PTPRD: variants seen among roughly 807,000 people sequenced by gnomAD.
PTPRD encodes receptor-type tyrosine-protein phosphatase delta.
PTPRD carries 34 observed loss-of-function variants against 214.5 expected under a neutral mutation model. The observed-to-expected ratio is 0.16, with a 90% CI of 0.12 to 0.21. The LOEUF (loss-of-function observed/expected upper bound fraction) is 0.21, where lower values mean the gene tolerates loss of function less well. PTPRD is among the 10% of genes least tolerant of loss of function. The pLI, the probability that PTPRD is intolerant of heterozygous loss-of-function variation, is 1.00. For synonymous variants in PTPRD, 1,128 were observed against 845.7 expected, an observed-to-expected ratio of 1.33 and a Z score of -5.79; for missense variants, 2,545 against 2,398.7, an observed-to-expected ratio of 1.06 and a Z score of -1.27.
intron 3 of PTPRD, among the ~76,000 whole-genome samples, chr9:10,060,352 C>G (rs897352846): frequency 6.6e-6 from 1 of 152,006 alleles, no homozygotes; most frequent in Non-Finnish European, 1.5e-5. Context: ...CACTCAGATA[C>G]ATTGTCCCAT....
At chr9:9,635,020 T>A (rs150358829) in intron 7 of PTPRD, among the ~76,000 whole-genome samples, 49 of 152,260 alleles carry the variant, frequency 3.2e-4, no homozygotes, top group African/African-American at 9.6e-4. Flanking sequence ...TGTTCAACAA[T>A]ATATTGAGTG....
intron 12 of PTPRD, among the ~76,000 whole-genome samples, chr9:8,704,571 T>G (rs910681025): frequency 6.6e-6 from 1 of 152,138 alleles, no homozygotes. Context: ...AGTGAGGTGA[T>G]GTGTATGAAA....
intron 14 of PTPRD, among the ~76,000 whole-genome samples, chr9:8,601,205 T>C (rs1228821447): frequency 6.6e-6 from 1 of 152,130 alleles, no homozygotes; most frequent in Non-Finnish European, 1.5e-5. Flanking sequence ...CATATGGCTT[T>C]ATTGCCAGCC....
At chr9:10,377,169 G>A (rs2097747211) in intron 2 of PTPRD, among the ~76,000 whole-genome samples, 1 of 151,692 alleles carries the variant, frequency 6.6e-6, no homozygotes, top group Admixed American at 6.6e-5. Context: ...GTCTTTCTGT[G>A]CCTGGCTTAT....
intron 14 of PTPRD, among the ~76,000 whole-genome samples, chr9:8,598,155 C>T (rs1335590385): frequency 1.3e-5 from 2 of 152,132 alleles, no homozygotes; most frequent in Non-Finnish European, 2.9e-5. Flanking sequence ...GACTTTCATA[C>T]ATTCTCCAAA....
At chr9:10,068,443 TG>T (rs2097924084) in intron 3 of PTPRD, among the ~76,000 whole-genome samples, 1 of 151,956 alleles carries the variant, frequency 6.6e-6, no homozygotes, top group Non-Finnish European at 1.5e-5. Flanking sequence ...GATACTCTCC[TG>T]GTCCTTTGGA....
chr9:10,226,134 A>G (rs1423513446), intron 3 of PTPRD, among the ~76,000 whole-genome samples: 2 of 152,062 alleles, frequency 1.3e-5, no homozygotes, highest in East Asian at 1.9e-4. Context: ...AGCCGCCCCA[A>G]TGCATGATGG....
chr9:8,570,080 ATGAC>A (rs1286543418), intron 14 of PTPRD, among the ~76,000 whole-genome samples: 1 of 152,174 alleles, frequency 6.6e-6, no homozygotes, highest in Non-Finnish European at 1.5e-5. Flanking sequence ...AACAGCAAGA[ATGAC>A]TGTTCCTATA....
intron 8 of PTPRD, among the ~76,000 whole-genome samples, chr9:9,536,343 C>A (rs954661851): frequency 6.6e-6 from 1 of 151,850 alleles, no homozygotes; most frequent in Non-Finnish European, 1.5e-5. Flanking sequence ...TCAGGCTCCT[C>A]TATGACTCTT....
At chr9:9,803,078 T>C (rs972870399) in intron 5 of PTPRD, among the ~76,000 whole-genome samples, 3 of 151,926 alleles carry the variant, frequency 2.0e-5, no homozygotes, top group Non-Finnish European at 4.4e-5. Flanking sequence ...TATCGGTTTA[T>C]TGTAAATTTA....
chr9:9,710,547 T>C lies in PTPRD; in HGVS notation c.-287+23986A>G, dbSNP rs116392076. On this transcript the variant is annotated intron_variant, in intron 7 of 45. Transcript: ENST00000381196. ...AGCAACTCATGGTGGATTTGAAGGA[T>C]TGCTTCTTAATTCAGGTCATTCTGA... 9.0e-3 allele frequency among the ~76,000 whole-genome samples: 1,374 copies of C among 152,244 alleles called. 15 individuals are homozygous for C. The highest frequency in any genetic ancestry group is 0.031 in the African/African-American group (1,297 of 41,554).
intron 12 of PTPRD, among the ~76,000 whole-genome samples, chr9:8,687,916 T>C (rs954042176): frequency 2.0e-5 from 3 of 152,164 alleles, no homozygotes. Flanking sequence ...ATAATCTATA[T>C]GTATAATGTC....
intron 9 of PTPRD, among the ~76,000 whole-genome samples, chr9:9,209,012 G>A (rs1258406639): frequency 6.6e-6 from 1 of 151,964 alleles, no homozygotes; most frequent in Non-Finnish European, 1.5e-5. Context: ...GTTTCACCAT[G>A]TTTGCCAGGA....
rs143196383 is a variant in PTPRD, at chr9:8,486,265, C to A, written c.2552G>T (p.Gly851Val). The change falls in exon 28 of 46, where the codon GGA becomes GTA. Residue 851 changes from glycine (G) to valine (V), a missense_variant. Physicochemically the swap from Gly to Val is moderately radical, Grantham distance 109. Coordinates refer to ENST00000381196, the MANE Select transcript of PTPRD (RefSeq NM_002839.4). ...TTTTAGACGGTAGCCCTGAAGAGGTCCAAATGTGTCCACCGGAGGGTGCCA... is the reference window on the plus strand; with the variant it reads ...TTTTAGACGGTAGCCCTGAAGAGGTACAAATGTGTCCACCGGAGGGTGCCA... ...IQWHPPVDTF[G>V]PLQGYRLKFG... 1 of 1,614,158 alleles carries A rather than the reference C, an allele frequency of 6.2e-7. No individual in the cohort carries two copies. Among genetic ancestry groups the A allele is most frequent in the Non-Finnish European group, 8.5e-7 (1 of 1,180,022 alleles).
chr9:9,808,969 A>G (rs1326639343), intron 5 of PTPRD, among the ~76,000 whole-genome samples: 1 of 144,604 alleles, frequency 6.9e-6, no homozygotes, highest in Non-Finnish European at 1.5e-5. Flanking sequence ...TTTTTTTTGT[A>G]GAAACAAGAT....
intron 3 of PTPRD, among the ~76,000 whole-genome samples, chr9:10,194,041 T>A (rs944989227): frequency 6.6e-6 from 1 of 151,994 alleles, no homozygotes; most frequent in East Asian, 1.9e-4. Context: ...AAAGTACTTC[T>A]AAAATAAATG....
chr9:8,982,644 C>A (rs559255033), intron 11 of PTPRD, among the ~76,000 whole-genome samples: 2 of 151,740 alleles, frequency 1.3e-5, no homozygotes, highest in Non-Finnish European at 2.9e-5. Context: ...TTTATAACTT[C>A]TGGGATAAAG....
chr9:8,349,760 G>A (rs1254624244), intron 39 of PTPRD, among the ~76,000 whole-genome samples: 1 of 152,144 alleles, frequency 6.6e-6, no homozygotes. Flanking sequence ...CCAGCAAAAA[G>A]AGAACGGCAA....
At chr9:9,678,602 A>G (rs2096988205) in intron 7 of PTPRD, among the ~76,000 whole-genome samples, 1 of 151,938 alleles carries the variant, frequency 6.6e-6, no homozygotes. Flanking sequence ...ATAGTGAACT[A>G]TTACAAGCAT....
Sources: allele counts gnomAD v4.1 joint callset (sites outside exome capture counted in the v4.1 genomes callset), GRCh38; gene constraint gnomAD v4.1.1; transcripts MANE v1.5; gene names NCBI Gene and HGNC (gene_info 2026-07-23, HGNC 2026-07-21).